The following FAM234B variants were observed in gnomAD, a reference collection of about 807,000 sequenced individuals.
FAM234B encodes family with sequence similarity 234 member B.
FAM234B carries 33 observed loss-of-function variants against 69.3 expected under a neutral mutation model. The ratio of observed to expected loss-of-function variants is 0.48; its 90% CI spans 0.36 to 0.64. The LOEUF (loss-of-function observed/expected upper bound fraction) is 0.64. Among genes scored for constraint, FAM234B ranks in the 30% least tolerant of loss-of-function variants. FAM234B has a pLI of 0.00. For synonymous variants in FAM234B, 306 were observed against 306.9 expected (o/e 1.00, Z 0.03); for missense variants, 697 against 769.7 (o/e 0.91, Z 1.12).
At chr12:13,076,952 C>T (rs557509121) in intron 11 of FAM234B, among the ~76,000 whole-genome samples, 1 of 152,324 alleles carries the variant, frequency 6.6e-6, no homozygotes, top group South Asian at 2.1e-4. Context: ...TTTCTTTCCA[C>T]ATTCTCTTGC....
chr12:13,070,182 T>G (rs1482857274), intron 9 of FAM234B, among the ~76,000 whole-genome samples: 3 of 5,202 alleles, frequency 5.8e-4, no homozygotes, highest in African/African-American at 1.3e-3. Context: ...GATATATATA[T>G]ATATATATAT....
rs540231676 is a variant in FAM234B at position 13,080,876 on chromosome 12, G to C, written c.*246G>C. The C allele has an allele frequency of 4.1e-5, 17 of 417,398 alleles. No individual in the cohort carries two copies. The highest frequency in any genetic ancestry group is 5.9e-5 in the Non-Finnish European group (14 of 237,578). 25.9% of individuals were successfully genotyped at this position (417,398 alleles called of 1,614,324 possible). A position where few individuals can be genotyped will look rare whatever the true frequency, so the allele number is the denominator to read the frequency against. ...CCCCTCTAGGAACTCTGCGTGGATC[G>C]TTTGGAAATGTGAATCTCTTAAGTA... On this transcript the variant is annotated 3_prime_UTR_variant, in exon 13 of 13. Transcript: ENST00000197268.
chr12:13,053,123 C>T (rs1864892870), intron 1 of FAM234B, among the ~76,000 whole-genome samples: 1 of 151,668 alleles, frequency 6.6e-6, no homozygotes, highest in Admixed American at 6.6e-5. Context: ...GTAATTTGTG[C>T]CCTTAAAAAT....
rs568172875 is a variant in FAM234B at position 13,076,713 on chromosome 12, C to G, written c.1642+570C>G. ...CCACTATTAGCATTTTGGAAGTGTT[C>G]TTCTACTTTACATATCTGTCTAAAT... On this transcript the variant is annotated intron_variant, in intron 11 of 12. Transcript: ENST00000197268. 2.6e-5 allele frequency among the ~76,000 whole-genome samples: 4 copies of G among 152,342 alleles called. No homozygotes were observed. In the South Asian group the frequency reaches 8.3e-4, roughly 32 times the overall value.
In FAM234B at chr12:13,079,836, A is replaced by G; in HGVS notation, c.1690A>G (p.Thr564Ala). ...WKDAFYVTRT[T>A]GPSSEGHPAA... ...AGATGCCTTTTATGTTACCAGGACA[A>G]CAGGGCCAAGCTCCGAAGGCCATCC... The change falls in exon 12 of 13, where the codon ACA becomes GCA. Residue 564 changes from threonine (T) to alanine (A), a missense_variant. Physicochemically the swap from Thr to Ala is moderately conservative, Grantham distance 58. This residue lies in a region of FAM234B where 313 missense variants were observed against 305.5 expected (regional missense o/e 1.02). Transcript: ENST00000197268. The G allele has an allele frequency of 6.2e-7, 1 of 1,614,096 alleles. No individual in the cohort carries two copies. The highest frequency in any genetic ancestry group is 8.5e-7 in the Non-Finnish European group (1 of 1,179,990).
chr12:13,079,861 C>T lies in FAM234B; in HGVS notation c.1715C>T (p.Pro572Leu). The T allele has an allele frequency of 6.2e-7, 1 of 1,614,040 alleles. No homozygotes were observed. Among genetic ancestry groups the T allele is most frequent in the Non-Finnish European group, 8.5e-7 (1 of 1,179,974 alleles). The stretch of plus-strand genomic sequence containing the variant: ...ACAGGGCCAAGCTCCGAAGGCCATC[C>T]AGCAGCCCTGGTGGTCAGCAAGCTT... ...RTTGPSSEGH[P>L]AALVVSKLSL... The change falls in exon 12 of 13, where the codon CCA becomes CTA. Residue 572 changes from proline to leucine, a missense_variant. Pro to Leu is a moderately conservative substitution (Grantham distance 98). This residue lies in a region of FAM234B where 313 missense variants were observed against 305.5 expected (regional missense o/e 1.02). Coordinates refer to ENST00000197268, the MANE Select transcript of FAM234B (RefSeq NM_020853.2).
rs767853230 is a variant in FAM234B at position 13,071,339 on chromosome 12, C to G, written c.1467C>G (p.Asp489Glu). 1 of 1,613,976 alleles carries G rather than the reference C, an allele frequency of 6.2e-7. No individual in the cohort carries two copies. The highest frequency in any genetic ancestry group is 8.5e-7 in the Non-Finnish European group (1 of 1,179,962). Reference sequence around the variant, plus strand: ...CAGCCACCTCAGCAGTTACTTCAGACCAGAAGTCTGTCTTCCTCTTCTGGG... The same window carrying G: ...CAGCCACCTCAGCAGTTACTTCAGAGCAGAAGTCTGTCTTCCTCTTCTGGG... ...ETPATSAVTS[D>E]QKSVFLFWAE... The change falls in exon 10 of 13, where the codon GAC becomes GAG. Residue 489 changes from aspartate (D) to glutamate (E), a missense_variant. Physicochemically the swap from Asp to Glu is conservative, Grantham distance 45. Around this residue, in one of 3 missense-constraint regions of FAM234B, gnomAD observed 313 missense variants for 305.5 expected, o/e 1.02. Coordinates refer to ENST00000197268, the MANE Select transcript of FAM234B (RefSeq NM_020853.2).
intron 10 of FAM234B, among the ~76,000 whole-genome samples, chr12:13,073,421 A>G (rs1177800948): frequency 1.3e-5 from 2 of 152,226 alleles, no homozygotes; most frequent in African/African-American, 4.8e-5. Flanking sequence ...CTGTCTGGTC[A>G]ACAAGCAAAA....
At position 13,068,627 on chromosome 12, in the gene FAM234B, CA is replaced by C; in HGVS notation, c.1287-2del. ...TGATTGCTTACTTTGTCCTTATTTG[CA>C]GCCAGCCTACTCCTGGATATTTCAC... On this transcript the variant is annotated splice_acceptor_variant, in intron 8 of 12. Transcript: ENST00000197268. LOFTEE classifies it high-confidence loss of function. 6.2e-7 allele frequency: 1 copy of C among 1,609,192 alleles called. No homozygotes were observed. The highest frequency in any genetic ancestry group is 8.5e-7 in the Non-Finnish European group (1 of 1,176,312).
At position 13,078,837 on chromosome 12, in the gene FAM234B, A is replaced by G. The variant is rs917242509; in HGVS notation, c.1643-952A>G. 1.1e-4 allele frequency among the ~76,000 whole-genome samples: 16 copies of G among 152,266 alleles called. No homozygotes were observed. In the South Asian group the frequency reaches 2.3e-3, roughly 22 times the overall value. On this transcript the variant is annotated intron_variant, in intron 11 of 12. Coordinates refer to ENST00000197268, the MANE Select transcript of FAM234B (RefSeq NM_020853.2). ...CCTAGGAATCCAACTTACAAGGGAC[A>G]TGAAGGACCTCTTCAAGGAGAACTA...
Position 13,067,227 on chromosome 12 carries a change from T to C in FAM234B, c.1073T>C (p.Leu358Pro). The C allele has an allele frequency of 6.2e-7, 1 of 1,614,054 alleles. No individual in the cohort carries two copies. The highest frequency in any genetic ancestry group is 1.1e-5 in the South Asian group (1 of 91,084). ...AATCGAGACAGCTCACCACCTTCTC[T>C]GCAGATAGAAGAGCCAGAATGGGAA... Reference protein sequence around the residue: ...AQNRDSSPPSLQIEEPEWEKR... With the variant: ...AQNRDSSPPSPQIEEPEWEKR... Residue 358 changes from leucine (L) to proline (P), a missense_variant, in exon 7 of 13, where the codon CTG becomes CCG. By Grantham distance (98) the Leu-to-Pro change is moderately conservative. This residue lies in a region of FAM234B where 380 missense variants were observed against 447.1 expected (regional missense o/e 0.85). Coordinates refer to ENST00000197268, the MANE Select transcript of FAM234B (RefSeq NM_020853.2). The surrounding 1 kb of genome is among the most constrained non-coding windows in gnomAD (Gnocchi z 4.7).
At position 13,079,849 on chromosome 12, in the gene FAM234B, C is replaced by G. The variant is rs1341648666; in HGVS notation, c.1703C>G (p.Ser568Cys). The change falls in exon 12 of 13, where the codon TCC becomes TGC. Residue 568 changes from serine to cysteine, a missense_variant. Ser to Cys is a moderately radical substitution (Grantham distance 112, BLOSUM62 -1). This residue lies in a region of FAM234B where 313 missense variants were observed against 305.5 expected (regional missense o/e 1.02). Coordinates refer to ENST00000197268, the MANE Select transcript of FAM234B (RefSeq NM_020853.2). ...GTTACCAGGACAACAGGGCCAAGCT[C>G]CGAAGGCCATCCAGCAGCCCTGGTG... ...FYVTRTTGPS[S>C]EGHPAALVVS... 6.2e-7 allele frequency: 1 copy of G among 1,614,074 alleles called. No homozygotes were observed. The highest frequency in any genetic ancestry group is 2.2e-5 in the East Asian group (1 of 44,874).
intron 11 of FAM234B, 73 bp downstream of exon 11, chr12:13,076,216 A>T: frequency 2.7e-6 from 3 of 1,112,466 alleles, no homozygotes; most frequent in Non-Finnish European, 4.1e-6. Flanking sequence ...GTGTAATGAG[A>T]CCATTGCCCC....
At position 13,067,288 on chromosome 12, in the gene FAM234B, T is replaced by A; in HGVS notation, c.1134T>A (p.Asp378Glu). The A allele has an allele frequency of 2.5e-6, 4 of 1,613,954 alleles. No homozygotes were observed. Among genetic ancestry groups the A allele is most frequent in the South Asian group, 1.1e-5 (1 of 91,074 alleles). Residue 378 changes from aspartate (D) to glutamate (E), a missense_variant, in exon 7 of 13, where the codon GAT becomes GAA. Asp to Glu is a conservative substitution (Grantham distance 45, BLOSUM62 2). This residue lies in a region of FAM234B where 313 missense variants were observed against 305.5 expected (regional missense o/e 1.02). Coordinates refer to ENST00000197268, the MANE Select transcript of FAM234B (RefSeq NM_020853.2). This position sits in a 1 kb window ranked among gnomAD's most constrained non-coding sequence, Gnocchi z 4.7. ...RRSINLSELI[D>E]VYSDGVELLQ... ...CCATCAACCTGTCTGAGCTCATTGA[T>A]GTTTACAGGTAGGGCAGACGTCTGT... is the stretch of plus-strand genomic sequence containing the variant.
rs762676152 is a variant in FAM234B at position 13,079,868 on chromosome 12, C to T, written c.1722C>T (p.Ala574=). ...CAAGCTCCGAAGGCCATCCAGCAGCCCTGGTGGTCAGCAAGCTTAGTCTAC... is the reference window on the plus strand; with the variant it reads ...CAAGCTCCGAAGGCCATCCAGCAGCTCTGGTGGTCAGCAAGCTTAGTCTAC... The part of the protein sequence containing the change: ...TGPSSEGHPA[A]LVVSKLSLRW... Residue 574 remains alanine, a synonymous_variant, in exon 12 of 13, where the codon GCC becomes GCT. Transcript: ENST00000197268. 27 of 1,614,048 alleles carry T rather than the reference C, an allele frequency of 1.7e-5. No individual in the cohort carries two copies. The highest frequency in any genetic ancestry group is 2.2e-5 in the Non-Finnish European group (26 of 1,179,974).
chr12:13,047,018 A>G (rs1468291251), intron 1 of FAM234B, among the ~76,000 whole-genome samples: 1 of 152,202 alleles, frequency 6.6e-6, no homozygotes. Flanking sequence ...AACCTCTGAC[A>G]TATGTTAATT....
Position 13,071,381 on chromosome 12 carries a change from T to C in FAM234B, c.1509T>C (p.Ala503=). The C allele has an allele frequency of 6.2e-7, 1 of 1,614,170 alleles. No individual in the cohort carries two copies. Among genetic ancestry groups the C allele is most frequent in the Non-Finnish European group, 8.5e-7 (1 of 1,180,014 alleles). Reference sequence around the variant, plus strand: ...TCTTCTGGGCCGAAGGGCTGTCAGCTGCATCTCCCAATTCCGTGAGTGAGC... The same window carrying C: ...TCTTCTGGGCCGAAGGGCTGTCAGCCGCATCTCCCAATTCCGTGAGTGAGC... ...VFLFWAEGLS[A]ASPNSDIILG... is the part of the protein sequence containing the mutation. Residue 503 remains alanine, a synonymous_variant, in exon 10 of 13, where the codon GCT becomes GCC. Transcript: ENST00000197268.
At position 13,055,485 on chromosome 12, in the gene FAM234B, C is replaced by T. The variant is rs981620533; in HGVS notation, c.38-66C>T. On this transcript the variant is annotated intron_variant, in intron 1 of 12. Coordinates refer to ENST00000197268, the MANE Select transcript of FAM234B (RefSeq NM_020853.2). ...GTGTTCTTCTGGGTATTTACAGTTG[C>T]CATATATTTGGTGAGGGTGTCTTCT... The T allele has an allele frequency of 9.8e-6, 14 of 1,421,522 alleles. No homozygotes were observed. In the African/African-American group the frequency reaches 1.9e-4, roughly 19 times the overall value. 88.1% of individuals were successfully genotyped at this position (1,421,522 alleles called of 1,614,324 possible).
At chr12:13,066,863 A>G (rs1209343982) in intron 6 of FAM234B, 76 bp downstream of exon 6, 6 of 1,503,744 alleles carry the variant, frequency 4.0e-6, no homozygotes, top group Non-Finnish European at 5.4e-6. Flanking sequence ...AGACAGGGTG[A>G]AAGCTCAGGA....
Sources: allele counts gnomAD v4.1 joint callset (sites outside exome capture counted in the v4.1 genomes callset), GRCh38; gene constraint gnomAD v4.1.1; regional missense constraint gnomAD v4.1.1; non-coding constraint Gnocchi (gnomAD v3.1); transcripts MANE v1.5; gene names NCBI Gene and HGNC (gene_info 2026-07-23, HGNC 2026-07-21).